PATL2: variants seen among roughly 807,000 people sequenced by gnomAD.
PATL2 encodes PAT1 homolog 2.
Under a neutral mutation model 77.0 loss-of-function variants are expected in PATL2, and 73 were observed. The ratio of observed to expected loss-of-function variants is 0.95; its 90% confidence interval spans 0.78 to 1.15. The LOEUF (loss-of-function observed/expected upper bound fraction) is 1.15, where lower values mean the gene tolerates loss of function less well. Ranked by LOEUF, PATL2 falls within the 50% of genes most tolerant of loss-of-function variation. The pLI is 0.00. For synonymous variants in PATL2, 265 were observed against 257.1 expected (o/e 1.03, Z -0.29); for missense variants, 618 against 655.4 (o/e 0.94, Z 0.62).
chr15:44,667,866 C>G (rs1566846925), intron 15 of PATL2, among the ~76,000 whole-genome samples: 1 of 152,086 alleles, frequency 6.6e-6, no homozygotes, highest in African/African-American at 2.4e-5. Context: ...TGGCGTGAAC[C>G]CAGGAGGCAG....
intron 6 of PATL2, among the ~76,000 whole-genome samples, chr15:44,673,838 C>T (rs192471753): frequency 4.5e-4 from 69 of 152,358 alleles, no homozygotes; most frequent in African/African-American, 1.6e-3. Flanking sequence ...AACTGCAGGG[C>T]AGGTGCTCTT....
At chr15:44,682,180 A>T (rs140267316) in intron 3 of PATL2, among the ~76,000 whole-genome samples, 1 of 152,334 alleles carries the variant, frequency 6.6e-6, no homozygotes, top group East Asian at 1.9e-4. Context: ...AGTTGTTTTA[A>T]TTGGAAGGTG....
chr15:44,673,244 G>A lies in PATL2; in HGVS notation c.437C>T (p.Pro146Leu). 6.4e-7 allele frequency: 1 copy of A among 1,551,414 alleles called. No homozygotes were observed. Among genetic ancestry groups the A allele is most frequent in the Non-Finnish European group, 8.7e-7 (1 of 1,146,916 alleles). Reference sequence around the variant, plus strand: ...AACCTCAAACCAGTACCTGAACCTAGGGGGCCACGAGGTCAGCAGGCTGCA... The same window carrying A: ...AACCTCAAACCAGTACCTGAACCTAAGGGGCCACGAGGTCAGCAGGCTGCA... ...LFCSLLTSWP[P>L]RFSHLTQLHP... The change falls in exon 7 of 18, where the codon CCT becomes CTT. Residue 146 changes from proline (P) to leucine (L), a missense_variant. Coordinates refer to ENST00000682850, the MANE Select transcript of PATL2 (RefSeq NM_001387263.1).
intron 3 of PATL2, among the ~76,000 whole-genome samples, chr15:44,705,261 C>T (rs1024360809): frequency 6.6e-6 from 1 of 152,044 alleles, no homozygotes; most frequent in African/African-American, 2.4e-5. Flanking sequence ...TGGTTCACTA[C>T]AGCCTCCACT....
chr15:44,675,333 A>T, intron 5 of PATL2, 153 bp downstream of exon 5: 1 of 802,896 alleles, frequency 1.2e-6, no homozygotes, highest in Non-Finnish European at 1.9e-6. Context: ...GGAAGGAGAG[A>T]GTCCCTAACT....
chr15:44,666,866 C>T (rs2085398108), intron 16 of PATL2: 6 of 510,428 alleles, frequency 1.2e-5, no homozygotes, highest in East Asian at 9.7e-5. Context: ...AGAATTCAAA[C>T]GTAGGTCTTT....
intron 3 of PATL2, among the ~76,000 whole-genome samples, chr15:44,701,334 C>T (rs1201239508): frequency 2.6e-5 from 4 of 151,718 alleles, no homozygotes; most frequent in Admixed American, 1.3e-4. Context: ...AAAATACTCC[C>T]TCCTCCTCTA....
chr15:44,676,738 G>T, intron 3 of PATL2, 173 bp from the exon 4 acceptor site: 2 of 1,253,770 alleles, frequency 1.6e-6, no homozygotes, highest in East Asian at 3.2e-5. Flanking sequence ...CTCCCAGCTC[G>T]GCTCTAGGGA....
chr15:44,684,554 T>A (rs114344022), intron 3 of PATL2, among the ~76,000 whole-genome samples: 3,280 of 146,972 alleles, frequency 0.022, 106 homozygotes, highest in East Asian at 0.094. Flanking sequence ...AAAAAAAAAA[T>A]GAAAAGTAAT....
intron 7 of PATL2, 107 bp from the exon 8 acceptor site, chr15:44,672,563 T>C (rs191714139): frequency 1.8e-6 from 2 of 1,127,220 alleles, no homozygotes; most frequent in Admixed American, 2.2e-5. Flanking sequence ...AGGAACCTTA[T>C]CTGTTTAGGT....
intron 9 of PATL2, 31 bp from the exon 10 acceptor site, chr15:44,670,118 A>C: frequency 6.5e-7 from 1 of 1,549,304 alleles, no homozygotes; most frequent in South Asian, 1.2e-5. Context: ...AAACAAAAAA[A>C]CAAAACACCT....
intron 3 of PATL2, among the ~76,000 whole-genome samples, chr15:44,703,963 A>T: frequency 6.7e-6 from 1 of 150,222 alleles, no homozygotes; most frequent in Admixed American, 6.7e-5. Flanking sequence ...CTTGCTTTTT[A>T]TTTTTTGTGT....
chr15:44,694,895 C>A (rs1381020460), intron 3 of PATL2, among the ~76,000 whole-genome samples: 2 of 152,116 alleles, frequency 1.3e-5, no homozygotes, highest in Admixed American at 6.5e-5. Flanking sequence ...CCAGGAGGAG[C>A]CTTAGCTGCT....
chr15:44,697,658 C>T (rs2086536533), intron 3 of PATL2, among the ~76,000 whole-genome samples: 1 of 152,014 alleles, frequency 6.6e-6, no homozygotes, highest in Non-Finnish European at 1.5e-5. Context: ...CTATTCTTGC[C>T]CTGGTCTCCA....
In PATL2 at chr15:44,672,045, T is replaced by C. The variant is rs1330766813; in HGVS notation, c.627A>G (p.Ala209=). 41 of 1,551,592 alleles carry C rather than the reference T, an allele frequency of 2.6e-5. No homozygotes were observed. Among genetic ancestry groups the C allele is most frequent in the Non-Finnish European group, 3.4e-5 (39 of 1,147,004 alleles). ...AATAGTAGTCATCCAGGCGGGGTTTTGCACTCTGCAGCTGCACCATCTGCA... is the reference window on the plus strand; with the variant it reads ...AATAGTAGTCATCCAGGCGGGGTTTCGCACTCTGCAGCTGCACCATCTGCA... The part of the protein sequence containing the change: ...IKVQMVQLQS[A]KPRLDDYYYQ... The change falls in exon 9 of 18, where the codon GCA becomes GCG. Residue 209 remains alanine, a synonymous_variant. Transcript: ENST00000682850.
chr15:44,670,232 C>T, intron 9 of PATL2, 145 bp from the exon 10 acceptor site: 1 of 1,167,402 alleles, frequency 8.6e-7, no homozygotes, highest in Non-Finnish European at 1.2e-6. Flanking sequence ...CAGCATCTCC[C>T]TCTGTCACCC....
rs879624743 is a variant in PATL2 at position 44,695,185 on chromosome 15, CA to C, written c.-76+14910del. On this transcript the variant is annotated intron_variant, in intron 3 of 17. Transcript: ENST00000682850. ...GCCTGGCGACAGAGCGAGACTCCCT[CA>C]AAAAAAAAAAAGCAGTTAGGGTTAC... Among the ~76,000 whole-genome samples the C allele has an allele frequency of 8.4e-3, 1,102 of 131,694 alleles. 7 individuals carry two copies. The highest frequency in any genetic ancestry group is 0.023 in the African/African-American group (812 of 36,072). 86.4% of individuals were successfully genotyped at this position (131,694 alleles called of 152,430 possible). A position where few individuals can be genotyped will look rare whatever the true frequency, so the allele number is the denominator to read the frequency against.
intron 3 of PATL2, among the ~76,000 whole-genome samples, chr15:44,686,509 A>G (rs1270333997): frequency 6.6e-6 from 1 of 152,202 alleles, no homozygotes; most frequent in Non-Finnish European, 1.5e-5. Context: ...CTAGAGAAAT[A>G]AGAGCAAACA....
At chr15:44,703,566 G>A (rs999929398) in intron 3 of PATL2, among the ~76,000 whole-genome samples, 12 of 151,306 alleles carry the variant, frequency 7.9e-5, no homozygotes, top group Non-Finnish European at 1.8e-4. Flanking sequence ...TATAGTTTTT[G>A]TCTTGAAATC....
Sources: gnomAD v4.1 joint callset for allele counts (sites outside exome capture counted in the v4.1 genomes callset) on GRCh38, gnomAD v4.1.1 for gene constraint, MANE v1.5 for transcripts, NCBI Gene and HGNC (gene_info 2026-07-23, HGNC 2026-07-21) for gene names.